Variants in PSG1 observed in about 807,000 individuals in gnomAD.
PSG1 encodes the protein pregnancy specific beta-1-glycoprotein 1.
PSG1 carries 60 observed loss-of-function variants against 41.4 expected under a neutral mutation model. The ratio of observed to expected loss-of-function variants is 1.45; its 90% CI spans 1.18 to 1.80. PSG1 has a LOEUF of 1.80. Among genes scored for constraint, PSG1 ranks in the 40% most tolerant of loss-of-function variants. PSG1 has a pLI of 0.00. For missense variants in PSG1, 806 were observed against 516.9 expected, an observed-to-expected ratio of 1.56 and a Z score of -5.42; for synonymous variants, 256 against 192.9, an observed-to-expected ratio of 1.33 and a Z score of -2.71.
Position 42,871,900 on chromosome 19 carries a change from G to C in PSG1, c.576C>G (p.Ser192Arg), listed in dbSNP as rs142121865. 7.9e-5 allele frequency: 127 copies of C among 1,612,366 alleles called. 2 individuals are homozygous for C. The Middle Eastern group carries it at 8.2e-4, about 10-fold the overall frequency. Residue 192 changes from serine to arginine, a missense_variant, in exon 3 of 6, where the codon AGC becomes AGG. Physicochemically the swap from Ser to Arg is moderately radical, Grantham distance 110. Coordinates refer to ENST00000436291, the MANE Select transcript of PSG1 (RefSeq NM_001184825.2). ...TCCTGTTGGTTTCGGACAGCTTCAAGCTGTGAGTCATAGGGAGGCTCTGAC... is the reference window on the plus strand; with the variant it reads ...TCCTGTTGGTTTCGGACAGCTTCAACCTGTGAGTCATAGGGAGGCTCTGAC... ...MNGQSLPMTH[S>R]LKLSETNRTL...
intron 5 of PSG1, 184 bp downstream of exon 5, chr19:42,867,917 T>A: frequency 6.6e-7 from 1 of 1,516,056 alleles, no homozygotes; most frequent in Non-Finnish European, 8.9e-7. Flanking sequence ...TATGAAGATA[T>A]CAGCCTGTTT....
chr19:42,868,182 G>C lies in PSG1; in HGVS notation c.1162C>G (p.His388Asp), dbSNP rs773256570. 1.2e-6 allele frequency: 2 copies of C among 1,612,404 alleles called. No homozygotes were observed. The change falls in exon 5 of 6, where the codon CAT becomes GAT. Residue 388 changes from histidine (H) to aspartate (D), a missense_variant. His to Asp is a moderately conservative substitution (Grantham distance 81). Transcript: ENST00000436291. ...KLFIRHITTK[H>D]SGLYVCSVRN... ...ACAGAGCAAACATAGAGCCCGCTAT[G>C]CTTTGTAGTAATATGGCGGATAAAG...
In PSG1 at chr19:42,877,967, T is replaced by G. The variant is rs778321037; in HGVS notation, c.376A>C (p.Lys126Gln). The G allele has an allele frequency of 1.1e-5, 17 of 1,612,198 alleles. No homozygotes were observed. Among genetic ancestry groups the G allele is most frequent in the East Asian group, 4.5e-5 (2 of 44,802 alleles). ...DAGSYTLHII[K>Q]GDDGTRGVTG... Reference sequence around the variant, plus strand: ...ACTCCTCTAGTCCCATCATCTCCCTTTATGATGTGTAAGGTGTAGGATCCT... The same window carrying G: ...ACTCCTCTAGTCCCATCATCTCCCTGTATGATGTGTAAGGTGTAGGATCCT... The change falls in exon 2 of 6, where the codon AAG becomes CAG. Residue 126 changes from lysine (K) to glutamine (Q), a missense_variant. By Grantham distance (53) the Lys-to-Gln change is moderately conservative. Transcript: ENST00000436291.
intron 2 of PSG1, among the ~76,000 whole-genome samples, chr19:42,872,697 G>C (rs1256668500): frequency 1.3e-5 from 2 of 151,628 alleles, no homozygotes; most frequent in Non-Finnish European, 2.9e-5. Flanking sequence ...CAGAGTCCAA[G>C]GAATGACCTA....
chr19:42,878,580 C>T (rs6509041), intron 1 of PSG1, among the ~76,000 whole-genome samples: 39,448 of 122,194 alleles, frequency 0.32, 9,133 homozygotes, highest in African/African-American at 0.62. Context: ...CGCATGGCCC[C>T]CTCCACAATG....
intron 1 of PSG1, among the ~76,000 whole-genome samples, chr19:42,879,148 T>G (rs1971755096): frequency 8.0e-6 from 1 of 125,738 alleles, no homozygotes; most frequent in Non-Finnish European, 1.6e-5. Context: ...TTTCCTTTTT[T>G]TCTTTTTTCT....
chr19:42,874,838 T>G (rs1005242247), intron 2 of PSG1, among the ~76,000 whole-genome samples: 1 of 151,282 alleles, frequency 6.6e-6, no homozygotes, highest in Non-Finnish European at 1.5e-5. Flanking sequence ...AAGAGTCCAC[T>G]CAGAGATGGA....
chr19:42,876,792 T>C (rs1219782419), intron 2 of PSG1: 1 of 156,920 alleles, frequency 6.4e-6, no homozygotes, highest in Non-Finnish European at 1.4e-5. Context: ...CAGCTGACCA[T>C]TTGCTCTCAC....
At chr19:42,872,382 A>T (rs891067090) in intron 2 of PSG1, among the ~76,000 whole-genome samples, 2 of 151,508 alleles carry the variant, frequency 1.3e-5, no homozygotes, top group African/African-American at 4.9e-5. Flanking sequence ...TGTGGTCCTC[A>T]CTTGGAGCAT....
At chr19:42,875,096 A>C (rs1170841652) in intron 2 of PSG1, among the ~76,000 whole-genome samples, 2 of 151,694 alleles carry the variant, frequency 1.3e-5, no homozygotes, top group African/African-American at 2.4e-5. Context: ...CTGGTGAGTC[A>C]GTGCAGAGAT....
chr19:42,866,728 G>A lies in PSG1; in HGVS notation c.*406C>T. 1 of 425,534 alleles carries A rather than the reference G, an allele frequency of 2.3e-6. No individual in the cohort carries two copies. The highest frequency in any genetic ancestry group is 4.3e-6 in the Non-Finnish European group (1 of 233,046). 26.4% of individuals were successfully genotyped at this position (425,534 alleles called of 1,614,324 possible). On this transcript the variant is annotated 3_prime_UTR_variant, in exon 6 of 6. Transcript: ENST00000436291. ...CCTGAGATGTTATGTAAAAGTTTGAGGTTGAGATGACATATCTGACACTCT... is the reference window on the plus strand; with the variant it reads ...CCTGAGATGTTATGTAAAAGTTTGAAGTTGAGATGACATATCTGACACTCT...
intron 3 of PSG1, among the ~76,000 whole-genome samples, chr19:42,870,815 A>C (rs1971351424): frequency 6.6e-6 from 1 of 151,616 alleles, no homozygotes; most frequent in South Asian, 2.1e-4. Context: ...TAATCATTTG[A>C]CTTTTTTGGT....
Position 42,877,798 on chromosome 19 carries a change from A to G in PSG1, c.430+115T>C, listed in dbSNP as rs533835348. On this transcript the variant is annotated intron_variant, in intron 2 of 5. Transcript: ENST00000436291. ...CTGCACTAAATGCCCAAATCCCAGC[A>G]TGGGACATAACGCAGTGAGTGACAC... The G allele has an allele frequency of 3.3e-4, 525 of 1,585,778 alleles. 12 individuals carry two copies. Among genetic ancestry groups the G allele is most frequent in the Non-Finnish European group, 4.2e-4 (481 of 1,156,282 alleles).
rs1305271310 is a variant in PSG1 at position 42,867,928 on chromosome 19, G to A, written c.1243+173C>T. 3.2e-6 allele frequency: 5 copies of A among 1,542,390 alleles called. No individual in the cohort carries two copies. In the African/African-American group the frequency reaches 5.5e-5, roughly 17 times the overall value. On this transcript the variant is annotated intron_variant, in intron 5 of 5. Coordinates refer to ENST00000436291, the MANE Select transcript of PSG1 (RefSeq NM_001184825.2). The stretch of plus-strand genomic sequence containing the variant: ...ATATTATGAAGATATCAGCCTGTTT[G>A]TTAAAGTTTTCGAAGTTCTTAGACA...
chr19:42,879,447 C>A, intron 1 of PSG1, 71 bp downstream of exon 1: 1 of 1,584,278 alleles, frequency 6.3e-7, no homozygotes, highest in Non-Finnish European at 8.6e-7. Context: ...AGAACCCCAT[C>A]CTCTCCAGGA....
At chr19:42,868,728 G>A (rs1458813545) in intron 4 of PSG1, 28 bp downstream of exon 4, 5 of 1,609,608 alleles carry the variant, frequency 3.1e-6, no homozygotes, top group Non-Finnish European at 4.2e-6. Flanking sequence ...CTGGTGTCCT[G>A]GCCCACAGAG....
intron 1 of PSG1, among the ~76,000 whole-genome samples, chr19:42,879,137 C>A (rs1411417260): frequency 6.8e-6 from 1 of 147,776 alleles, no homozygotes; most frequent in Non-Finnish European, 1.5e-5. Flanking sequence ...ACAGAGCCTT[C>A]TTTCCTTTTT....
At chr19:42,873,555 A>G (rs928731431) in intron 2 of PSG1, among the ~76,000 whole-genome samples, 1 of 151,826 alleles carries the variant, frequency 6.6e-6, no homozygotes, top group Non-Finnish European at 1.5e-5. Flanking sequence ...TGGTCCAAAC[A>G]TCTAAGATCA....
At chr19:42,872,741 C>G (rs1363371030) in intron 2 of PSG1, among the ~76,000 whole-genome samples, 2 of 151,802 alleles carry the variant, frequency 1.3e-5, no homozygotes, top group East Asian at 1.9e-4. Context: ...GAGCTGATAG[C>G]TTTGGACCAA....
Sources: gnomAD v4.1 joint callset for allele counts (sites outside exome capture counted in the v4.1 genomes callset) on GRCh38, gnomAD v4.1.1 for gene constraint, MANE v1.5 for transcripts, NCBI Gene and HGNC (gene_info 2026-07-23, HGNC 2026-07-21) for gene names.